Variants in MGAM2 observed in about 807,000 individuals in gnomAD.
MGAM2 encodes the protein maltase-glucoamylase 2 (putative), also known as probable maltase-glucoamylase 2.
Under a neutral mutation model 96.1 loss-of-function variants are expected in MGAM2, and 98 were observed. That is an observed-to-expected ratio of 1.02 (90% CI 0.87 to 1.21). The LOEUF (loss-of-function observed/expected upper bound fraction) is 1.21. Among genes scored for constraint, MGAM2 ranks in the 50% most tolerant of loss-of-function variants. The pLI is 0.00. For synonymous variants in MGAM2, 749 were observed against 414.8 expected (o/e 1.81, Z -9.79); for missense variants, 2,055 against 1,182.4 (o/e 1.74, Z -10.82).
chr7:142,133,359 A>G (rs1585149810), intron 6 of MGAM2, among the ~76,000 whole-genome samples: 3 of 149,378 alleles, frequency 2.0e-5, no homozygotes, highest in African/African-American at 7.3e-5. Flanking sequence ...TGTGGTTTAC[A>G]TATATTGTAA....
Position 142,220,343 on chromosome 7 carries a change from T to C in MGAM2, c.5832T>C (p.Phe1944=), listed in dbSNP as rs1311695895. ...NATVPITTTC[F]ATSTIGVTTN... ...CTGTTCCTATCACAACCACATGTTT[T>C]GCAACAAGTACTATTGGTGTTACAA... The change falls in exon 48 of 48, where the codon TTT becomes TTC. Residue 1944 remains phenylalanine, a synonymous_variant. Coordinates refer to ENST00000477922, the MANE Select transcript of MGAM2 (RefSeq NM_001293626.2). 4 of 702,262 alleles carry C rather than the reference T, an allele frequency of 5.7e-6. No homozygotes were observed. Among genetic ancestry groups the C allele is most frequent in the African/African-American group, 5.3e-5 (3 of 57,126 alleles). 43.5% of individuals were successfully genotyped at this position (702,262 alleles called of 1,614,324 possible).
Position 142,193,031 on chromosome 7 carries a change from C to G in MGAM2, c.4347-3123C>G, listed in dbSNP as rs184461873. Among the ~76,000 whole-genome samples, 404 of 152,268 alleles carry G rather than the reference C, an allele frequency of 2.7e-3. 2 individuals are homozygous for G. Among genetic ancestry groups the G allele is most frequent in the African/African-American group, 9.3e-3 (385 of 41,548 alleles). ...TCCTTTTCATCAATATTTGAAAATGCCCCAGTTGTTCTTGCTTTTGCCTAT... is the reference window on the plus strand; with the variant it reads ...TCCTTTTCATCAATATTTGAAAATGGCCCAGTTGTTCTTGCTTTTGCCTAT... On this transcript the variant is annotated intron_variant, in intron 37 of 47. Transcript: ENST00000477922.
At chr7:142,203,619 C>A (rs1797306415) in intron 45 of MGAM2, among the ~76,000 whole-genome samples, 1 of 151,998 alleles carries the variant, frequency 6.6e-6, no homozygotes, top group African/African-American at 2.4e-5. Flanking sequence ...GCTATAGTAA[C>A]CAAAATAGCA....
At chr7:142,150,997 T>G (rs564135240) in intron 15 of MGAM2, among the ~76,000 whole-genome samples, 108 of 152,350 alleles carry the variant, frequency 7.1e-4, no homozygotes, top group South Asian at 1.7e-3. Flanking sequence ...CTGGGAACTT[T>G]CCTGACAGTT....
intron 46 of MGAM2, among the ~76,000 whole-genome samples, chr7:142,209,396 G>T (rs1405311068): frequency 6.6e-6 from 1 of 152,130 alleles, no homozygotes; most frequent in African/African-American, 2.4e-5. Flanking sequence ...GCATGGAAAG[G>T]GGTATGGATT....
chr7:142,119,925 A>G (rs1022915559), intron 2 of MGAM2, among the ~76,000 whole-genome samples: 7 of 152,220 alleles, frequency 4.6e-5, no homozygotes, highest in African/African-American at 1.4e-4. Flanking sequence ...GATAGCTGCT[A>G]AAGTGTATGT....
chr7:142,111,998 CTGTGTGTGTGTGTGTGTGTGTGTGTG>C (rs57967255), intron 1 of MGAM2, among the ~76,000 whole-genome samples, 191 bp downstream of exon 1: 10 of 133,596 alleles, frequency 7.5e-5, no homozygotes, highest in Non-Finnish European at 1.6e-4. Context: ...AGAGGAGAGA[CTGTGTGTGTGTGTGTGTGTGTGTGTG>C]TGTGTGTGTG....
intron 17 of MGAM2, 139 bp from the exon 18 acceptor site, chr7:142,157,798 T>C (rs1795778255): frequency 1.6e-6 from 1 of 613,286 alleles, no homozygotes. Context: ...GTAGGATTAG[T>C]ATCTTTTCAG....
chr7:142,148,238 C>T lies in MGAM2; in HGVS notation c.1634+665C>T, dbSNP rs1328610817. 1.3e-5 allele frequency among the ~76,000 whole-genome samples: 2 copies of T among 151,906 alleles called. No homozygotes were observed. The highest frequency in any genetic ancestry group is 2.4e-5 in the African/African-American group (1 of 41,322). ...TCACTACCACTACTATCACCATCAC[C>T]ACCACCACAGTTATCACCACCATCC... On this transcript the variant is annotated intron_variant, in intron 15 of 47. Transcript: ENST00000477922. This position sits in a 1 kb window ranked among gnomAD's most constrained non-coding sequence, Gnocchi z 4.2.
chr7:142,162,517 G>A (rs1407064165), intron 23 of MGAM2, among the ~76,000 whole-genome samples: 3 of 151,866 alleles, frequency 2.0e-5, no homozygotes, highest in African/African-American at 7.3e-5. Context: ...AGAAAATGAG[G>A]GAATTCTGAC....
chr7:142,218,360 G>T lies in MGAM2; in HGVS notation c.5188-1G>T. 1 of 679,776 alleles carries T rather than the reference G, an allele frequency of 1.5e-6. No individual in the cohort carries two copies. The highest frequency in any genetic ancestry group is 2.7e-6 in the Non-Finnish European group (1 of 375,300). 42.1% of individuals were successfully genotyped at this position (679,776 alleles called of 1,614,324 possible). ...CTTTTCTCTTTATAAATTCTTTATA[G>T]AACATCCTGCAAATCCAGACCATAC... On this transcript the variant is annotated splice_acceptor_variant, in intron 46 of 47. Coordinates refer to ENST00000477922, the MANE Select transcript of MGAM2 (RefSeq NM_001293626.2). LOFTEE classifies it high-confidence loss of function.
chr7:142,181,536 A>G (rs758227880), intron 32 of MGAM2, among the ~76,000 whole-genome samples: 5 of 152,170 alleles, frequency 3.3e-5, no homozygotes, highest in Middle Eastern at 3.2e-3. Context: ...CCCCTTCCCA[A>G]GTCCATTTTT....
chr7:142,147,238 G>C (rs1017556051), intron 14 of MGAM2, among the ~76,000 whole-genome samples: 1 of 152,168 alleles, frequency 6.6e-6, no homozygotes, highest in Non-Finnish European at 1.5e-5. Context: ...TGAGCTCAAG[G>C]GAATGCAGAT....
At chr7:142,200,673 T>C (rs1423868614) in intron 45 of MGAM2, among the ~76,000 whole-genome samples, 3 of 152,222 alleles carry the variant, frequency 2.0e-5, no homozygotes, top group South Asian at 2.1e-4. Context: ...TCTGAAATTA[T>C]AGTATAGCTT....
intron 23 of MGAM2, among the ~76,000 whole-genome samples, chr7:142,162,679 T>C (rs1211329436): frequency 1.3e-5 from 2 of 151,070 alleles, no homozygotes; most frequent in African/African-American, 2.4e-5. Flanking sequence ...ATAGAATATA[T>C]ATAATTTATA....
intron 1 of MGAM2, among the ~76,000 whole-genome samples, chr7:142,114,689 TA>T (rs1254818093): frequency 6.6e-6 from 1 of 152,088 alleles, no homozygotes; most frequent in African/African-American, 2.4e-5. Flanking sequence ...AGATAACAGA[TA>T]CAAGGATTAT....
intron 40 of MGAM2, among the ~76,000 whole-genome samples, 172 bp downstream of exon 40, chr7:142,196,988 G>A (rs903784688): frequency 3.3e-4 from 50 of 152,140 alleles, no homozygotes; most frequent in African/African-American, 1.2e-3. Flanking sequence ...GTAATTTTTA[G>A]AAATATACCT....
At chr7:142,129,399 T>C (rs1408267901) in intron 3 of MGAM2, among the ~76,000 whole-genome samples, 3 of 152,208 alleles carry the variant, frequency 2.0e-5, no homozygotes, top group Admixed American at 2.0e-4. Flanking sequence ...GGCATGATTA[T>C]GTTTTGAAAC....
Position 142,132,469 on chromosome 7 carries a change from A to C in MGAM2, c.575+384A>C, listed in dbSNP as rs1039044930. The stretch of plus-strand genomic sequence containing the variant: ...ATATTATAATTATATTTAAATTATA[A>C]AATTATAAATTTCATAATTTAAAAT... On this transcript the variant is annotated intron_variant, in intron 6 of 47. Transcript: ENST00000477922. 2.1e-5 allele frequency among the ~76,000 whole-genome samples: 3 copies of C among 139,940 alleles called. No homozygotes were observed. In the South Asian group the frequency reaches 6.4e-4, roughly 30 times the overall value. The allele number at this position is 139,940 out of a possible 152,430, so 91.8% of individuals were successfully genotyped here. A position where few individuals can be genotyped will look rare whatever the true frequency, so the allele number is the denominator to read the frequency against.
Sources: gnomAD v4.1 joint callset for allele counts (sites outside exome capture counted in the v4.1 genomes callset) on GRCh38, gnomAD v4.1.1 for gene constraint, Gnocchi (gnomAD v3.1) non-coding constraint, MANE v1.5 for transcripts, NCBI Gene and HGNC (gene_info 2026-07-23, HGNC 2026-07-21) for gene names.